Variants in PAQR5 observed in about 807,000 individuals in gnomAD.
The protein encoded by PAQR5 is membrane progestin receptor gamma.
PAQR5 carries 20 observed loss-of-function variants against 34.5 expected under a neutral mutation model. The observed-to-expected ratio is 0.58, with a 90% CI of 0.41 to 0.84. The LOEUF (loss-of-function observed/expected upper bound fraction) is 0.84, where lower values mean the gene tolerates loss of function less well. Ranked by LOEUF, PAQR5 falls within the 40% of genes least tolerant of loss-of-function variation. The probability of loss-of-function intolerance (pLI) is 0.00; values close to 1 mark genes in which losing one functional copy is unlikely to be tolerated. For missense variants in PAQR5, 378 were observed against 412.7 expected (o/e 0.92, Z 0.73); for synonymous variants, 131 against 155.6 (o/e 0.84, Z 1.18).
rs192937308 is a variant in PAQR5 at position 69,322,970 on chromosome 15, A to T, written c.-276-14371A>T. ...GTGCACTAAGGACCGAGATGACAGG[A>T]GGGCAGGCATATGGCAAGGCTGGTG... is the stretch of plus-strand genomic sequence containing the variant. On this transcript the variant is annotated intron_variant, in intron 1 of 8. Coordinates refer to ENST00000395407, the MANE Select transcript of PAQR5 (RefSeq NM_017705.4). Among the ~76,000 whole-genome samples the T allele has an allele frequency of 3.1e-3, 466 of 149,682 alleles. 31 individuals are homozygous for T. Among genetic ancestry groups the T allele is most frequent in the African/African-American group, 0.011 (456 of 40,184 alleles).
At chr15:69,389,579 G>A (rs2056199165) in intron 5 of PAQR5, 75 bp from the exon 6 acceptor site, 3 of 1,586,294 alleles carry the variant, frequency 1.9e-6, no homozygotes, top group South Asian at 2.3e-5. Context: ...GCCAGATGCT[G>A]GGGACAGTCT....
intron 1 of PAQR5, among the ~76,000 whole-genome samples, chr15:69,329,630 G>T (rs1053170571): frequency 1.3e-5 from 2 of 151,684 alleles, no homozygotes; most frequent in Non-Finnish European, 2.9e-5. Flanking sequence ...GACTACAGGT[G>T]TATGCCACCA....
intron 1 of PAQR5, among the ~76,000 whole-genome samples, chr15:69,315,807 G>A (rs2053931874): frequency 6.6e-6 from 1 of 152,140 alleles, no homozygotes; most frequent in East Asian, 1.9e-4. Context: ...TGGGGGCAGG[G>A]ACTACCTGGG....
intron 3 of PAQR5, among the ~76,000 whole-genome samples, chr15:69,362,535 C>T (rs956611745): frequency 7.9e-5 from 12 of 152,256 alleles, no homozygotes; most frequent in Admixed American, 7.8e-4. Context: ...TTAAAGCTTA[C>T]CTTTGGTGGG....
intron 2 of PAQR5, among the ~76,000 whole-genome samples, chr15:69,339,698 C>T (rs1394732012): frequency 2.0e-5 from 3 of 152,184 alleles, no homozygotes; most frequent in Non-Finnish European, 4.4e-5. Flanking sequence ...ATCTTGAACT[C>T]CTGACCTCAA....
intron 1 of PAQR5, among the ~76,000 whole-genome samples, chr15:69,322,784 AGACGAG>A (rs771038290): frequency 0.045 from 4,185 of 93,244 alleles, 1,291 homozygotes; most frequent in African/African-American, 0.075. Context: ...GAGAAGAAGA[AGACGAG>A]GAAGAAGAAG....
In PAQR5 at chr15:69,309,600, TC is replaced by T. The variant is rs376640925; in HGVS notation, c.-277+10546del. Among the ~76,000 whole-genome samples, 808 of 152,250 alleles carry T rather than the reference TC, an allele frequency of 5.3e-3. 8 individuals carry two copies. Among genetic ancestry groups the T allele is most frequent in the African/African-American group, 0.019 (784 of 41,542 alleles). ...TCCCCCGATCTCCCTGTCCCCTCCCTCCTCAGAGGCAATGTTACCAGTTCCA... is the reference window on the plus strand; with the variant it reads ...TCCCCCGATCTCCCTGTCCCCTCCCTCTCAGAGGCAATGTTACCAGTTCCA... On this transcript the variant is annotated intron_variant, in intron 1 of 8. Coordinates refer to ENST00000395407, the MANE Select transcript of PAQR5 (RefSeq NM_017705.4).
At chr15:69,322,832 A>AGAAGAAGAAGAAGAAGAGGAG (rs1297952069) in intron 1 of PAQR5, among the ~76,000 whole-genome samples, 1 of 78,424 alleles carries the variant, frequency 1.3e-5, no homozygotes, top group Non-Finnish European at 3.4e-5. Flanking sequence ...AAGAAGAAGA[A>AGAAGAAGAAGAAGAAGAGGAG]GAAGAGGAAG....
intron 1 of PAQR5, among the ~76,000 whole-genome samples, chr15:69,322,199 C>A (rs1448038422): frequency 6.7e-6 from 1 of 148,840 alleles, no homozygotes; most frequent in Non-Finnish European, 1.5e-5. Context: ...TAGCCAGGGC[C>A]GGGTGCAGTG....
chr15:69,390,348 A>ATTTTAT (rs67519047), intron 6 of PAQR5, among the ~76,000 whole-genome samples: 9 of 124,896 alleles, frequency 7.2e-5, no homozygotes, highest in Middle Eastern at 4.2e-3. Context: ...TTATTTATTT[A>ATTTTAT]TTTATTTATT....
intron 3 of PAQR5, 32 bp downstream of exon 3, chr15:69,360,163 TCCAGAGTGTGA>T: frequency 6.4e-7 from 1 of 1,573,952 alleles, no homozygotes; most frequent in East Asian, 2.2e-5. Context: ...ATGGTTCATT[TCCAGAGTGTGA>T]CCAGGGCTTG....
chr15:69,391,549 C>T (rs1383375739), intron 6 of PAQR5: 2 of 409,338 alleles, frequency 4.9e-6, no homozygotes, highest in Non-Finnish European at 9.7e-6. Flanking sequence ...ATGAAGCAAG[C>T]CCCGGAGACC....
At chr15:69,318,190 G>A (rs1257386009) in intron 1 of PAQR5, among the ~76,000 whole-genome samples, 1 of 152,246 alleles carries the variant, frequency 6.6e-6, no homozygotes, top group Non-Finnish European at 1.5e-5. Flanking sequence ...GGGGCTCAGA[G>A]GAGAAGAGGG....
At chr15:69,389,879 A>G (rs2056210320) in intron 6 of PAQR5, 99 bp downstream of exon 6, 4 of 1,407,842 alleles carry the variant, frequency 2.8e-6, no homozygotes, top group Non-Finnish European at 3.9e-6. Context: ...GGCTCAATGG[A>G]AAAGGTGCTT....
At chr15:69,351,506 C>T (rs1334801333) in intron 2 of PAQR5, among the ~76,000 whole-genome samples, 1 of 152,208 alleles carries the variant, frequency 6.6e-6, no homozygotes, top group Non-Finnish European at 1.5e-5. Flanking sequence ...TCTATAAAGC[C>T]CACCAGAAGC....
chr15:69,337,142 A>C (rs891340436), intron 1 of PAQR5, among the ~76,000 whole-genome samples, 199 bp from the exon 2 acceptor site: 1 of 152,228 alleles, frequency 6.6e-6, no homozygotes, highest in African/African-American at 2.4e-5. Context: ...TTTTCAGAGT[A>C]AAGATTACTT....
At chr15:69,327,545 G>C (rs2140647189) in intron 1 of PAQR5, among the ~76,000 whole-genome samples, 1 of 152,228 alleles carries the variant, frequency 6.6e-6, no homozygotes, top group East Asian at 1.9e-4. Context: ...AGTGCCTAGG[G>C]TGCTTTTGAG....
At chr15:69,329,110 C>G (rs1240840462) in intron 1 of PAQR5, among the ~76,000 whole-genome samples, 1 of 152,266 alleles carries the variant, frequency 6.6e-6, no homozygotes, top group Admixed American at 6.5e-5. Flanking sequence ...TCACCAGGCA[C>G]TGCAAGGGGC....
intron 6 of PAQR5, chr15:69,397,105 T>TCCCCC: frequency 2.3e-6 from 1 of 441,300 alleles, no homozygotes; most frequent in South Asian, 1.6e-5. Context: ...ATCCCCCGAT[T>TCCCCC]CCCCCTACCC....
Sources: gnomAD v4.1 joint callset for allele counts (sites outside exome capture counted in the v4.1 genomes callset) on GRCh38, gnomAD v4.1.1 for gene constraint, MANE v1.5 for transcripts, NCBI Gene and HGNC (gene_info 2026-07-23, HGNC 2026-07-21) for gene names.